RNASET2: variants seen among roughly 807,000 people sequenced by gnomAD.
The protein encoded by RNASET2 is ribonuclease T2.
In RNASET2, 28 loss-of-function variants were observed where a neutral mutation model predicts 33.9. The ratio of observed to expected loss-of-function variants is 0.83; its 90% CI spans 0.61 to 1.13. RNASET2 has a LOEUF of 1.13. RNASET2 is among the 50% of genes most tolerant of loss of function. The probability of loss-of-function intolerance (pLI) is 0.00; values close to 1 mark genes in which losing one functional copy is unlikely to be tolerated. For synonymous variants in RNASET2, 123 were observed against 121.0 expected (o/e 1.02, Z -0.11); for missense variants, 330 against 319.9 (o/e 1.03, Z -0.24).
chr6:166,936,543 G>T (rs1778573671), intron 6 of RNASET2, among the ~76,000 whole-genome samples: 1 of 152,216 alleles, frequency 6.6e-6, no homozygotes, highest in Admixed American at 6.5e-5. Flanking sequence ...AAGGCAAAGG[G>T]GAGCTGGTGT....
chr6:166,944,288 A>G (rs1778773043), intron 4 of RNASET2, among the ~76,000 whole-genome samples: 1 of 152,104 alleles, frequency 6.6e-6, no homozygotes, highest in Admixed American at 6.5e-5. Context: ...CTACACCAAA[A>G]AAACCCCAAA....
intron 5 of RNASET2, 60 bp downstream of exon 5, chr6:166,942,959 T>C (rs1778726819): frequency 7.2e-7 from 1 of 1,389,486 alleles, no homozygotes; most frequent in African/African-American, 1.4e-5. Flanking sequence ...TAGCGATTCA[T>C]CACGCTCCCC....
At chr6:166,955,201 G>A (rs1258012728) in intron 1 of RNASET2, among the ~76,000 whole-genome samples, 257 of 121,106 alleles carry the variant, frequency 2.1e-3, no homozygotes, top group Middle Eastern at 4.2e-3. Context: ...ACACACGCAC[G>A]CACACACGCA....
At chr6:166,940,762 A>G (rs1330513795) in intron 5 of RNASET2, among the ~76,000 whole-genome samples, 1 of 151,860 alleles carries the variant, frequency 6.6e-6, no homozygotes, top group East Asian at 1.9e-4. Flanking sequence ...TAAGCATCAG[A>G]ACGGTCAGTC....
Position 166,922,483 on chromosome 6 carries a change from A to G in RNASET2, c.*7105T>C, listed in dbSNP as rs565626257. On this transcript the variant is annotated 3_prime_UTR_variant, in exon 9 of 9. Transcript: ENST00000508775. ...ACTCATTGACTTAAGTGGAATGATT[A>G]ACCTGGAGGAGACTCCAATCAACCT... 2.0e-5 allele frequency among the ~76,000 whole-genome samples: 3 copies of G among 152,354 alleles called. No individual in the cohort carries two copies. The highest frequency in any genetic ancestry group is 1.9e-4 in the East Asian group (1 of 5,194).
At chr6:166,955,078 A>C (rs540551976) in intron 1 of RNASET2, among the ~76,000 whole-genome samples, 1 of 152,342 alleles carries the variant, frequency 6.6e-6, no homozygotes, top group African/African-American at 2.4e-5. Context: ...AAATAGAAAG[A>C]AATAATATGG....
At chr6:166,950,879 A>C (rs1778967663) in intron 2 of RNASET2, among the ~76,000 whole-genome samples, 1 of 152,258 alleles carries the variant, frequency 6.6e-6, no homozygotes, top group African/African-American at 2.4e-5. Context: ...GGAGGGATGT[A>C]GGGACCAGCC....
intron 1 of RNASET2, among the ~76,000 whole-genome samples, chr6:166,955,277 A>ACG (rs1182577352): frequency 3.7e-5 from 3 of 80,246 alleles, no homozygotes; most frequent in African/African-American, 2.1e-4. Context: ...ACACGCGCAC[A>ACG]CACGACACAC....
At position 166,955,397 on chromosome 6, in the gene RNASET2, G is replaced by GCACACA. The variant is rs1199604988; in HGVS notation, c.86+694_86+699dup. Reference sequence around the variant, plus strand: ...AACGCACACGCACACACACACACGCGCACACACACACGCGCACACACACAC... The same window carrying GCACACA: ...AACGCACACGCACACACACACACGCGCACACACACACACACACGCGCACACACACAC... On this transcript the variant is annotated intron_variant, in intron 1 of 8. Transcript: ENST00000508775. The GCACACA allele has an allele frequency of 1.2e-4, 61 of 519,312 alleles. No homozygotes were observed. In the African/African-American group the frequency reaches 1.9e-3, roughly 16 times the overall value. The allele number at this position is 519,312 out of a possible 1,614,324, so 32.2% of individuals were successfully genotyped here.
chr6:166,929,543 A>G lies in RNASET2; in HGVS notation c.*45T>C. On this transcript the variant is annotated 3_prime_UTR_variant, in exon 9 of 9. Coordinates refer to ENST00000508775, the MANE Select transcript of RNASET2 (RefSeq NM_003730.6). The stretch of plus-strand genomic sequence containing the variant: ...GTTTTTTAGAAAGCTGCAGTTTGTG[A>G]ATTTCTCTTGCTTTTTAAAACAGAA... The G allele has an allele frequency of 1.3e-6, 2 of 1,592,154 alleles. No homozygotes were observed. Among genetic ancestry groups the G allele is most frequent in the Non-Finnish European group, 1.7e-6 (2 of 1,160,192 alleles).
At position 166,952,720 on chromosome 6, in the gene RNASET2, A is replaced by G. The variant is rs1583236242; in HGVS notation, c.87-172T>C. On this transcript the variant is annotated intron_variant, in intron 1 of 8. Transcript: ENST00000508775. Reference sequence around the variant, plus strand: ...CCCGTGAGGAAGGCGGTACACCCCTACACTAAGAAGGCACGTGTGGTGGCG... The same window carrying G: ...CCCGTGAGGAAGGCGGTACACCCCTGCACTAAGAAGGCACGTGTGGTGGCG... 1.7e-5 allele frequency: 11 copies of G among 636,134 alleles called. No homozygotes were observed. In the East Asian group the frequency reaches 2.9e-4, roughly 17 times the overall value. The allele number at this position is 636,134 out of a possible 1,614,324, so 39.4% of individuals were successfully genotyped here. A position where few individuals can be genotyped will look rare whatever the true frequency, so the allele number is the denominator to read the frequency against.
chr6:166,928,634 C>T lies in RNASET2; in HGVS notation c.*954G>A, dbSNP rs1778344221. 6.6e-6 allele frequency among the ~76,000 whole-genome samples: 1 copy of T among 152,108 alleles called. No individual in the cohort carries two copies. Among genetic ancestry groups the T allele is most frequent in the Admixed American group, 6.5e-5 (1 of 15,272 alleles). On this transcript the variant is annotated 3_prime_UTR_variant, in exon 9 of 9. Coordinates refer to ENST00000508775, the MANE Select transcript of RNASET2 (RefSeq NM_003730.6). The stretch of plus-strand genomic sequence containing the variant: ...TTTAAAGAGAGAAGAGGCCAGGAGA[C>T]GCGGGAGAAGACAATGCTAACAGGT...
chr6:166,943,818 C>T (rs1778758771), intron 4 of RNASET2: 2 of 462,928 alleles, frequency 4.3e-6, no homozygotes, highest in Non-Finnish European at 4.5e-6. Context: ...TTCTGTAAAC[C>T]TATAACTGTT....
chr6:166,955,287 C>T (rs1385241083), intron 1 of RNASET2, among the ~76,000 whole-genome samples: 1 of 63,450 alleles, frequency 1.6e-5, no homozygotes, highest in East Asian at 6.6e-4. Context: ...ACACGACACA[C>T]ACGCACAGAC....
chr6:166,934,211 A>G (rs1265798682), intron 6 of RNASET2, 75 bp from the exon 7 acceptor site: 1 of 962,490 alleles, frequency 1.0e-6, no homozygotes, highest in East Asian at 2.4e-5. Flanking sequence ...CAGGTATCAT[A>G]TTTCATGGTA....
intron 6 of RNASET2, 40 bp from the exon 7 acceptor site, chr6:166,934,176 G>C: frequency 7.6e-7 from 1 of 1,309,102 alleles, no homozygotes; most frequent in Non-Finnish European, 1.1e-6. Context: ...TATAATGAAG[G>C]TCCACTTTGC....
intron 6 of RNASET2, chr6:166,938,606 G>C (rs564965013): frequency 1.5e-6 from 1 of 673,890 alleles, no homozygotes; most frequent in African/African-American, 1.8e-5. Context: ...GGCACATGCT[G>C]GTTGGAGTCC....
In RNASET2 at chr6:166,942,058, C is replaced by CTTTTTTTTTTTTT. The variant is rs61635852; in HGVS notation, c.332+960_332+961insAAAAAAAAAAAAA. Among the ~76,000 whole-genome samples, 97 of 127,178 alleles carry CTTTTTTTTTTTTT rather than the reference C, an allele frequency of 7.6e-4. 1 individual carries two copies. Among genetic ancestry groups the CTTTTTTTTTTTTT allele is most frequent in the East Asian group, 3.0e-3 (13 of 4,266 alleles). The allele number at this position is 127,178 out of a possible 152,430, so 83.4% of individuals were successfully genotyped here. ...AGATCATCATTTTAGAAGACATCTTCTTTTTTTTTTTTGAGATGGAATCTT... is the reference window on the plus strand; with the variant it reads ...AGATCATCATTTTAGAAGACATCTTCTTTTTTTTTTTTTTTTTTTTTTTTTGAGATGGAATCTT... On this transcript the variant is annotated intron_variant, in intron 5 of 8. Transcript: ENST00000508775.
At position 166,929,757 on chromosome 6, in the gene RNASET2, A is replaced by C; in HGVS notation, c.602T>G (p.Leu201Arg). 2.5e-6 allele frequency: 4 copies of C among 1,614,162 alleles called. No homozygotes were observed. The highest frequency in any genetic ancestry group is 3.4e-6 in the Non-Finnish European group (4 of 1,180,032). The stretch of plus-strand genomic sequence containing the variant: ...CTGCTGGTCTTGCTTAGTGAGGCAC[A>C]GTTCTATCTGACCAATTGTCTGTAC... ...EEVQTIGQIE[L>R]CLTKQDQQLQ... The change falls in exon 9 of 9, where the codon CTG becomes CGG. Residue 201 changes from leucine to arginine, a missense_variant. Physicochemically the swap from Leu to Arg is moderately radical, Grantham distance 102. Coordinates refer to ENST00000508775, the MANE Select transcript of RNASET2 (RefSeq NM_003730.6).
Sources: gnomAD v4.1 joint callset for allele counts (sites outside exome capture counted in the v4.1 genomes callset) on GRCh38, gnomAD v4.1.1 for gene constraint, MANE v1.5 for transcripts, NCBI Gene and HGNC (gene_info 2026-07-23, HGNC 2026-07-21) for gene names.